The following SNCAIP variants were observed in gnomAD, a reference collection of about 807,000 sequenced individuals.
SNCAIP encodes synphilin-1.
A neutral mutation model predicts 86.7 loss-of-function variants in SNCAIP; 43 were observed. The observed-to-expected ratio is 0.50, with a 90% CI of 0.39 to 0.64. SNCAIP has a LOEUF of 0.64. SNCAIP is among the 30% of genes least tolerant of loss of function. SNCAIP has a pLI of 0.00. For missense variants in SNCAIP, 981 were observed against 1,103.1 expected, an observed-to-expected ratio of 0.89 and a Z score of 1.57; for synonymous variants, 417 against 427.2, an observed-to-expected ratio of 0.98 and a Z score of 0.29.
chr5:122,401,110 A>C (rs1239424469), intron 2 of SNCAIP: 1 of 1,549,818 alleles, frequency 6.5e-7, no homozygotes, highest in East Asian at 2.4e-5. Context: ...GGAGCTTGCC[A>C]TTGTCCTGAG....
chr5:122,406,138 A>C (rs945684705), intron 3 of SNCAIP, among the ~76,000 whole-genome samples: 2 of 152,202 alleles, frequency 1.3e-5, no homozygotes, highest in African/African-American at 4.8e-5. Flanking sequence ...CCACAGCATC[A>C]CTGTAGAATT....
chr5:122,316,636 C>T (rs1751786123), intron 1 of SNCAIP, among the ~76,000 whole-genome samples: 1 of 152,118 alleles, frequency 6.6e-6, no homozygotes, highest in Non-Finnish European at 1.5e-5. Context: ...GGAGTTTTCT[C>T]GTGGAAAATA....
intron 3 of SNCAIP, among the ~76,000 whole-genome samples, chr5:122,409,191 A>G (rs1422545145): frequency 6.6e-6 from 1 of 152,252 alleles, no homozygotes; most frequent in Non-Finnish European, 1.5e-5. Context: ...ACCACAAGGC[A>G]GTGAATGTTA....
chr5:122,359,617 G>A (rs1446202747), intron 1 of SNCAIP, among the ~76,000 whole-genome samples: 6 of 151,774 alleles, frequency 4.0e-5, no homozygotes, highest in African/African-American at 4.8e-5. Context: ...TGCCCACCTC[G>A]GACTCCCAAA....
intron 1 of SNCAIP, among the ~76,000 whole-genome samples, chr5:122,382,802 G>C (rs1358961492): frequency 1.8e-4 from 27 of 152,346 alleles, no homozygotes; most frequent in African/African-American, 5.8e-4. Context: ...ATACCCTGCC[G>C]TGTGAGGTGT....
chr5:122,377,457 A>T (rs990477231), intron 1 of SNCAIP, among the ~76,000 whole-genome samples: 6 of 152,008 alleles, frequency 3.9e-5, no homozygotes, highest in Non-Finnish European at 8.8e-5. Flanking sequence ...ACTCATTTTA[A>T]ATCACACACA....
chr5:122,331,663 G>A (rs948884656), intron 1 of SNCAIP, among the ~76,000 whole-genome samples: 24 of 152,184 alleles, frequency 1.6e-4, no homozygotes, highest in Admixed American at 1.2e-3. Flanking sequence ...TTTCTAGTTC[G>A]TAGCTGCTGC....
intron 2 of SNCAIP, chr5:122,401,189 C>T (rs764993893): frequency 4.3e-5 from 63 of 1,454,962 alleles, no homozygotes; most frequent in Non-Finnish European, 5.1e-5. Context: ...GGGATGAAGG[C>T]CTGGGAAGCC....
chr5:122,343,083 T>C (rs1467862047), intron 1 of SNCAIP, among the ~76,000 whole-genome samples: 1 of 152,222 alleles, frequency 6.6e-6, no homozygotes, highest in Non-Finnish European at 1.5e-5. Flanking sequence ...GTTCATGAGT[T>C]AAAGTCATAG....
At chr5:122,404,754 T>C (rs1772605842) in intron 3 of SNCAIP, among the ~76,000 whole-genome samples, 2 of 152,188 alleles carry the variant, frequency 1.3e-5, no homozygotes, top group African/African-American at 4.8e-5. Flanking sequence ...GCTACTAGAA[T>C]TCTAGGCCTT....
chr5:122,407,729 GA>G (rs1773294160), intron 3 of SNCAIP, among the ~76,000 whole-genome samples: 1 of 150,710 alleles, frequency 6.6e-6, no homozygotes, highest in African/African-American at 2.4e-5. Flanking sequence ...ATTTAAAAGT[GA>G]AAAATATAAG....
rs542651958 is a variant in SNCAIP at position 122,358,803 on chromosome 5, G to A, written c.-46-32286G>A. ...GGTCTGCTGCTGTGTAAGGATTGTAGCTGAGTGTTGATTAAAAGCAGCACC... is the reference window on the plus strand; with the variant it reads ...GGTCTGCTGCTGTGTAAGGATTGTAACTGAGTGTTGATTAAAAGCAGCACC... On this transcript the variant is annotated intron_variant, in intron 1 of 10. Transcript: ENST00000261368. Among the ~76,000 whole-genome samples the A allele has an allele frequency of 3.9e-5, 6 of 152,204 alleles. No individual in the cohort carries two copies. The East Asian group carries it at 1.2e-3, about 29-fold the overall frequency.
chr5:122,386,678 C>T (rs1446907016), intron 1 of SNCAIP, among the ~76,000 whole-genome samples: 1 of 152,152 alleles, frequency 6.6e-6, no homozygotes, highest in Non-Finnish European at 1.5e-5. Context: ...AGCAGCCGAG[C>T]CCTGTGTCCC....
At chr5:122,425,289 A>T (rs1777131723) in intron 4 of SNCAIP, 63 bp from the exon 5 acceptor site, 2 of 1,323,268 alleles carry the variant, frequency 1.5e-6, no homozygotes, top group African/African-American at 1.4e-5. Context: ...CCCAGAGAAA[A>T]ACTCCTACAG....
intron 1 of SNCAIP, among the ~76,000 whole-genome samples, chr5:122,339,894 G>C (rs1757216882): frequency 6.6e-6 from 1 of 152,126 alleles, no homozygotes; most frequent in Non-Finnish European, 1.5e-5. Context: ...GGGGCATAGA[G>C]AAAAGATGAA....
chr5:122,366,479 A>G (rs1763221477), intron 1 of SNCAIP, among the ~76,000 whole-genome samples: 1 of 152,236 alleles, frequency 6.6e-6, no homozygotes, highest in Non-Finnish European at 1.5e-5. Flanking sequence ...CCTAGGAAAT[A>G]TCATTTCCTG....
chr5:122,333,990 G>C (rs1285072630), intron 1 of SNCAIP, among the ~76,000 whole-genome samples: 1 of 152,166 alleles, frequency 6.6e-6, no homozygotes, highest in Non-Finnish European at 1.5e-5. Context: ...CAAGAAAGAA[G>C]AGATCAGCAT....
In SNCAIP at chr5:122,381,914, G is replaced by T. The variant is rs573757331; in HGVS notation, c.-46-9175G>T. On this transcript the variant is annotated intron_variant, in intron 1 of 10. Coordinates refer to ENST00000261368, the MANE Select transcript of SNCAIP (RefSeq NM_005460.4). ...TAGGGTTTCTGCAGAAAGATCTGCT[G>T]TTAGTCTGATGGGTTTCCCTTTGTA... 3.9e-5 allele frequency among the ~76,000 whole-genome samples: 6 copies of T among 152,280 alleles called. No individual in the cohort carries two copies. In the South Asian group the frequency reaches 1.2e-3, roughly 32 times the overall value.
At chr5:122,344,140 TC>T (rs1758133606) in intron 1 of SNCAIP, among the ~76,000 whole-genome samples, 1 of 152,136 alleles carries the variant, frequency 6.6e-6, no homozygotes, top group African/African-American at 2.4e-5. Context: ...ATTGTTCTCC[TC>T]CTCCGCTAAA....
Sources: allele counts gnomAD v4.1 joint callset (sites outside exome capture counted in the v4.1 genomes callset), GRCh38; gene constraint gnomAD v4.1.1; transcripts MANE v1.5; gene names NCBI Gene and HGNC (gene_info 2026-07-23, HGNC 2026-07-21).